ARFIP1: variants seen among roughly 807,000 people sequenced by gnomAD.
The protein encoded by ARFIP1 is ARF interacting protein 1.
Under a neutral mutation model 42.5 loss-of-function variants are expected in ARFIP1, and 24 were observed. That is an observed-to-expected ratio of 0.57 (90% CI 0.41 to 0.80). The LOEUF (loss-of-function observed/expected upper bound fraction) is 0.80. Among genes scored for constraint, ARFIP1 ranks in the 30% least tolerant of loss-of-function variants. The pLI, the probability that ARFIP1 is intolerant of heterozygous loss-of-function variation, is 0.00. For synonymous variants in ARFIP1, 141 were observed against 153.7 expected (o/e 0.92, Z 0.61); for missense variants, 354 against 434.0 (o/e 0.82, Z 1.64).
chr4:152,787,431 A>C (rs1730872587), intron 1 of ARFIP1, among the ~76,000 whole-genome samples: 1 of 152,242 alleles, frequency 6.6e-6, no homozygotes, highest in Admixed American at 6.5e-5. Flanking sequence ...CAAGAGAAAA[A>C]AGACCTGCCT....
chr4:152,782,223 GGTGTGTGTGTGTGTGTGT>G (rs71598214), intron 1 of ARFIP1, among the ~76,000 whole-genome samples: 12 of 148,522 alleles, frequency 8.1e-5, no homozygotes, highest in Admixed American at 2.0e-4. Flanking sequence ...AACAGGTAGG[GGTGTGTGTGTGTGTGTGT>G]GTGTGTGTGT....
chr4:152,867,973 T>TA (rs1734547488), intron 3 of ARFIP1, among the ~76,000 whole-genome samples: 1 of 152,174 alleles, frequency 6.6e-6, no homozygotes, highest in African/African-American at 2.4e-5. Flanking sequence ...AAGAATAACA[T>TA]ACAATGGTTA....
At chr4:152,813,159 T>G (rs899695880) in intron 1 of ARFIP1, among the ~76,000 whole-genome samples, 6 of 152,200 alleles carry the variant, frequency 3.9e-5, no homozygotes, top group African/African-American at 1.4e-4. Flanking sequence ...GTTACTTATA[T>G]AGCATTTGCA....
At chr4:152,888,364 G>T (rs976709797) in intron 8 of ARFIP1, 57 bp downstream of exon 8, 19 of 1,246,542 alleles carry the variant, frequency 1.5e-5, no homozygotes, top group Non-Finnish European at 1.8e-5. Flanking sequence ...CCTAAAGAGA[G>T]ATAGTCAGTT....
At chr4:152,886,492 A>G (rs898222952) in intron 7 of ARFIP1, among the ~76,000 whole-genome samples, 1 of 151,984 alleles carries the variant, frequency 6.6e-6, no homozygotes, top group African/African-American at 2.4e-5. Context: ...TGTCCATGCT[A>G]TTCTCTTCAG....
At chr4:152,833,502 C>A (rs1461549934) in intron 2 of ARFIP1, among the ~76,000 whole-genome samples, 1 of 152,146 alleles carries the variant, frequency 6.6e-6, no homozygotes, top group Non-Finnish European at 1.5e-5. Context: ...TCTAGCAGTT[C>A]CATTTCTGGG....
intron 1 of ARFIP1, among the ~76,000 whole-genome samples, chr4:152,799,540 G>A (rs7699456): frequency 0.72 from 109,499 of 152,154 alleles, 40,979 homozygotes; most frequent in East Asian, 0.81. Context: ...AAAAATCAAA[G>A]ACAAATTCTT....
intron 8 of ARFIP1, among the ~76,000 whole-genome samples, chr4:152,897,775 G>A (rs1467638601): frequency 6.6e-6 from 1 of 152,148 alleles, no homozygotes; most frequent in African/African-American, 2.4e-5. Context: ...AGTGATCAAT[G>A]TGATACTTGA....
At chr4:152,823,825 G>T (rs968426453) in intron 1 of ARFIP1, among the ~76,000 whole-genome samples, 13 of 135,154 alleles carry the variant, frequency 9.6e-5, no homozygotes, top group Non-Finnish European at 2.1e-4. Context: ...CAATTTTACT[G>T]AAATTTTTCC....
At chr4:152,843,673 T>G (rs1018716390) in intron 2 of ARFIP1, among the ~76,000 whole-genome samples, 3 of 152,038 alleles carry the variant, frequency 2.0e-5, no homozygotes, top group Non-Finnish European at 4.4e-5. Flanking sequence ...CTCTGCTGAG[T>G]CACACAGGTT....
At chr4:152,812,832 C>T (rs1729574467) in intron 1 of ARFIP1, among the ~76,000 whole-genome samples, 1 of 152,184 alleles carries the variant, frequency 6.6e-6, no homozygotes, top group Admixed American at 6.5e-5. Flanking sequence ...TAGATTCCTC[C>T]TTCTTTTTCA....
At chr4:152,849,680 T>G (rs1732831620) in intron 2 of ARFIP1, among the ~76,000 whole-genome samples, 1 of 152,078 alleles carries the variant, frequency 6.6e-6, no homozygotes, top group Non-Finnish European at 1.5e-5. Flanking sequence ...GGCAGGTGTG[T>G]GTGTGTATGG....
At chr4:152,841,639 A>T (rs1732084363) in intron 2 of ARFIP1, among the ~76,000 whole-genome samples, 1 of 152,152 alleles carries the variant, frequency 6.6e-6, no homozygotes, top group African/African-American at 2.4e-5. Context: ...TCTTTCCTTC[A>T]TATATGATAC....
At chr4:152,889,750 ATATATTATATAC>A (rs1736619282) in intron 8 of ARFIP1, among the ~76,000 whole-genome samples, 12 of 37,418 alleles carry the variant, frequency 3.2e-4, no homozygotes, top group African/African-American at 9.9e-4. Context: ...TATATATACT[ATATATTATATAC>A]TATACTATAT....
At chr4:152,846,135 T>C (rs977146132) in intron 2 of ARFIP1, among the ~76,000 whole-genome samples, 3 of 152,160 alleles carry the variant, frequency 2.0e-5, no homozygotes, top group Admixed American at 6.6e-5. Flanking sequence ...TTCTCACTTA[T>C]AAGTGCTAGC....
intron 1 of ARFIP1, among the ~76,000 whole-genome samples, chr4:152,808,300 T>TTTTTTTTTTTTTTTTTTG (rs1729164940): frequency 7.6e-6 from 1 of 131,660 alleles, no homozygotes; most frequent in Non-Finnish European, 1.6e-5. Context: ...TTTTTTTTTT[T>TTTTTTTTTTTTTTTTTTG]TTTTTTTTTT....
chr4:152,859,316 C>T (rs754982108), intron 2 of ARFIP1, among the ~76,000 whole-genome samples: 2 of 152,214 alleles, frequency 1.3e-5, no homozygotes, highest in African/African-American at 4.8e-5. Context: ...CTTGTCTCAA[C>T]CTCCCAAAGT....
At chr4:152,853,062 A>G (rs574109246) in intron 2 of ARFIP1, among the ~76,000 whole-genome samples, 39 of 152,340 alleles carry the variant, frequency 2.6e-4, no homozygotes, top group Middle Eastern at 3.4e-3. Context: ...TAATGTCCTC[A>G]GCTACAGTTG....
chr4:152,821,445 T>C (rs1344711748), intron 1 of ARFIP1, among the ~76,000 whole-genome samples: 1 of 151,924 alleles, frequency 6.6e-6, no homozygotes, highest in Admixed American at 6.6e-5. Context: ...ACAAAAATTA[T>C]GACAGAAGAA....
Sources: gnomAD v4.1 joint callset for allele counts (sites outside exome capture counted in the v4.1 genomes callset) on GRCh38, gnomAD v4.1.1 for gene constraint, MANE v1.5 for transcripts, NCBI Gene and HGNC (gene_info 2026-07-23, HGNC 2026-07-21) for gene names.